The following NFATC2 variants were observed in gnomAD, a reference collection of about 807,000 sequenced individuals.
NFATC2 encodes the protein nuclear factor of activated T-cells, cytoplasmic 2.
A neutral mutation model predicts 87.3 loss-of-function variants in NFATC2; 22 were observed. That is an observed-to-expected ratio of 0.25 (90% CI 0.18 to 0.36). The LOEUF (loss-of-function observed/expected upper bound fraction) is 0.36. NFATC2 is among the 10% of genes least tolerant of loss of function. NFATC2 has a pLI of 1.00. For missense variants in NFATC2, 1,149 were observed against 1,259.1 expected (o/e 0.91, Z 1.32); for synonymous variants, 565 against 542.2 (o/e 1.04, Z -0.58).
At chr20:51,425,695 G>A (rs1270180647) in intron 9 of NFATC2, among the ~76,000 whole-genome samples, 1 of 152,248 alleles carries the variant, frequency 6.6e-6, no homozygotes, top group Non-Finnish European at 1.5e-5. Flanking sequence ...AACAAAGCAG[G>A]CCAGTTACAA....
chr20:51,562,433 A>T lies in NFATC2; in HGVS notation c.70+127T>A. ...CCCCGCTACCTGTGCGCCGAGGGCG[A>T]GCGGGGTCCCCAGGCCTCCCGCACC... On this transcript the variant is annotated intron_variant, in intron 1 of 10. Coordinates refer to the NFATC2 transcript ENST00000414705. The surrounding 1 kb of genome is among the most constrained non-coding windows in gnomAD (Gnocchi z 5.8). 1.2e-6 allele frequency: 1 copy of T among 805,694 alleles called. No individual in the cohort carries two copies. The highest frequency in any genetic ancestry group is 2.9e-5 in the East Asian group (1 of 34,098). The allele number at this position is 805,694 out of a possible 1,614,324, so 49.9% of individuals were successfully genotyped here. A position where few individuals can be genotyped will look rare whatever the true frequency, so the allele number is the denominator to read the frequency against.
In NFATC2 at chr20:51,509,018, C is replaced by T. The variant is rs143639577; in HGVS notation, c.1332+7766G>A. 4.7e-4 allele frequency among the ~76,000 whole-genome samples: 71 copies of T among 152,168 alleles called. 3 individuals carry two copies. Among genetic ancestry groups the T allele is most frequent in the Middle Eastern group, 3.4e-3 (1 of 292 alleles). ...CTAAACATGTGCGAGGCCCACGATC[C>T]GCCCCCCTATCCTTCCCCTTCCCCT... On this transcript the variant is annotated intron_variant, in intron 3 of 10. Coordinates refer to ENST00000371564, the MANE Select transcript of NFATC2 (RefSeq NM_012340.5).
intron 6 of NFATC2, among the ~76,000 whole-genome samples, chr20:51,445,249 G>A (rs926414968): frequency 1.5e-4 from 23 of 152,052 alleles, no homozygotes; most frequent in Admixed American, 7.2e-4. Context: ...CGCACCAGCC[G>A]CCCGGGCCTG....
At chr20:51,527,539 G>A (rs1241292849) in intron 1 of NFATC2, among the ~76,000 whole-genome samples, 3 of 152,122 alleles carry the variant, frequency 2.0e-5, no homozygotes, top group East Asian at 1.9e-4. Context: ...CAAATGCCAT[G>A]AGGACTCTTG....
chr20:51,458,257 G>T (rs922554099), intron 5 of NFATC2, among the ~76,000 whole-genome samples: 1 of 152,108 alleles, frequency 6.6e-6, no homozygotes, highest in Non-Finnish European at 1.5e-5. Context: ...TTGTCAGCAG[G>T]CAGGGGGTGT....
chr20:51,519,524 T>C (rs536876225), intron 2 of NFATC2, among the ~76,000 whole-genome samples: 3 of 151,632 alleles, frequency 2.0e-5, no homozygotes, highest in African/African-American at 7.3e-5. Flanking sequence ...CTCGGGAGGC[T>C]GAGGCAGGAG....
intron 5 of NFATC2, among the ~76,000 whole-genome samples, chr20:51,467,822 C>T (rs1021509404): frequency 5.9e-5 from 9 of 152,066 alleles, no homozygotes. Context: ...GGTCATTTAC[C>T]CAAGAGAAAT....
intron 6 of NFATC2, among the ~76,000 whole-genome samples, chr20:51,445,284 G>C (rs1457261852): frequency 6.6e-6 from 1 of 152,082 alleles, no homozygotes; most frequent in East Asian, 1.9e-4. Context: ...AATGCCCTAA[G>C]CTCATCTCCA....
At chr20:51,530,471 A>G (rs1439802511) in intron 1 of NFATC2, among the ~76,000 whole-genome samples, 1 of 152,140 alleles carries the variant, frequency 6.6e-6, no homozygotes, top group Admixed American at 6.5e-5. Context: ...GCCTGGCCTG[A>G]AACTCCACTC....
At chr20:51,539,654 C>T (rs1013324341) in intron 1 of NFATC2, among the ~76,000 whole-genome samples, 6 of 152,140 alleles carry the variant, frequency 3.9e-5, no homozygotes, top group African/African-American at 1.4e-4. Flanking sequence ...CTAGGCTAGG[C>T]TAATTGTTTT....
intron 6 of NFATC2, among the ~76,000 whole-genome samples, chr20:51,446,356 C>A (rs753286488): frequency 6.6e-6 from 1 of 152,206 alleles, no homozygotes; most frequent in Non-Finnish European, 1.5e-5. Context: ...GTGCCTGATA[C>A]TTTCAGTTCC....
Position 51,435,731 on chromosome 20 carries a change from G to A in NFATC2, c.1880C>T (p.Thr627Met), listed in dbSNP as rs150751377. 9.1e-5 allele frequency: 146 copies of A among 1,608,846 alleles called. No individual in the cohort carries two copies. In the East Asian group the frequency reaches 9.6e-4, roughly 11 times the overall value. The change falls in exon 7 of 11, where the codon ACG becomes ATG. Residue 627 changes from threonine to methionine, a missense_variant. Physicochemically the swap from Thr to Met is moderately conservative, Grantham distance 81. Transcript: ENST00000371564. ...GGGCTGGCTCTTGTCCTTATCCACC[G>A]TGGCTTCCATCTCCCAAATTTGCTG... ...DGQQIWEMEA[T>M]VDKDKSQPNM...
intron 1 of NFATC2, among the ~76,000 whole-genome samples, chr20:51,561,991 C>A (rs1013230261): frequency 2.6e-5 from 4 of 152,072 alleles, no homozygotes; most frequent in Non-Finnish European, 5.9e-5. Context: ...GTACATTGCA[C>A]TTTAAAGGGG....
At chr20:51,459,125 T>C (rs977700973) in intron 5 of NFATC2, among the ~76,000 whole-genome samples, 5 of 152,146 alleles carry the variant, frequency 3.3e-5, no homozygotes, top group Admixed American at 2.0e-4. Context: ...AGTCAGTACA[T>C]AGATGGTAAA....
At chr20:51,433,087 C>T (rs1983019859) in intron 8 of NFATC2, among the ~76,000 whole-genome samples, 1 of 152,116 alleles carries the variant, frequency 6.6e-6, no homozygotes, top group Non-Finnish European at 1.5e-5. Flanking sequence ...GATGATGCCT[C>T]CCCCTCTTTC....
rs192466992 is a variant in NFATC2 at position 51,478,065 on chromosome 20, T to C, written c.1333-2405A>G. Among the ~76,000 whole-genome samples the C allele has an allele frequency of 3.8e-3, 576 of 152,264 alleles. 3 individuals are homozygous for C. Among genetic ancestry groups the C allele is most frequent in the Non-Finnish European group, 4.4e-3 (299 of 68,012 alleles). ...AAGATGGCATGCTCATGTCCCCTTCTAAAAGCCATACAAAGAGAGAGGCTG... is the reference window on the plus strand; with the variant it reads ...AAGATGGCATGCTCATGTCCCCTTCCAAAAGCCATACAAAGAGAGAGGCTG... On this transcript the variant is annotated intron_variant, in intron 3 of 10. Transcript: ENST00000371564.
intron 3 of NFATC2, among the ~76,000 whole-genome samples, chr20:51,476,495 A>T (rs1253334607): frequency 6.6e-6 from 1 of 152,210 alleles, no homozygotes; most frequent in South Asian, 2.1e-4. Flanking sequence ...CCATCTATTT[A>T]GAATTGAATC....
intron 6 of NFATC2, among the ~76,000 whole-genome samples, chr20:51,449,039 C>T (rs1382411206): frequency 3.3e-5 from 5 of 152,188 alleles, no homozygotes; most frequent in Admixed American, 2.6e-4. Context: ...CCATTTTAGT[C>T]GACAGCTATA....
At chr20:51,459,422 G>A (rs571913793) in intron 5 of NFATC2, among the ~76,000 whole-genome samples, 10 of 152,146 alleles carry the variant, frequency 6.6e-5, no homozygotes, top group Admixed American at 2.6e-4. Flanking sequence ...CTGCTAATAC[G>A]TGAGGCGTTT....
Sources: allele counts gnomAD v4.1 joint callset (sites outside exome capture counted in the v4.1 genomes callset), GRCh38; gene constraint gnomAD v4.1.1; non-coding constraint Gnocchi (gnomAD v3.1); transcripts MANE v1.5; gene names NCBI Gene and HGNC (gene_info 2026-07-23, HGNC 2026-07-21).